The following ZNF277 variants were observed in gnomAD, a reference collection of about 807,000 sequenced individuals.
ZNF277 encodes the protein nuclear receptor-interacting factor 4.
A neutral mutation model predicts 60.7 loss-of-function variants in ZNF277; 55 were observed. That is an observed-to-expected ratio of 0.91 (90% CI 0.73 to 1.13). ZNF277 has a LOEUF of 1.13. Ranked by LOEUF, ZNF277 falls within the 50% of genes most tolerant of loss-of-function variation. ZNF277 has a pLI of 0.00. For synonymous variants in ZNF277, 178 were observed against 179.3 expected (o/e 0.99, Z 0.06); for missense variants, 510 against 523.0 (o/e 0.98, Z 0.24).
chr7:112,317,166 G>A (rs899568789), intron 4 of ZNF277, among the ~76,000 whole-genome samples: 3 of 152,030 alleles, frequency 2.0e-5, no homozygotes, highest in South Asian at 2.1e-4. Flanking sequence ...GAGGGGCTAG[G>A]GAAGGGATAA....
At chr7:112,254,512 G>A (rs749342121) in intron 1 of ZNF277, among the ~76,000 whole-genome samples, 1 of 152,198 alleles carries the variant, frequency 6.6e-6, no homozygotes, top group Non-Finnish European at 1.5e-5. Context: ...GGAAATTAAT[G>A]TTCTGTTTGT....
chr7:112,216,973 A>G (rs1821901564), intron 1 of ZNF277, among the ~76,000 whole-genome samples: 1 of 152,190 alleles, frequency 6.6e-6, no homozygotes, highest in South Asian at 2.1e-4. Context: ...TTTGTAATAA[A>G]CAGTGCAAAA....
intron 8 of ZNF277, among the ~76,000 whole-genome samples, chr7:112,336,891 G>A (rs994474263): frequency 2.6e-5 from 4 of 152,126 alleles, no homozygotes; most frequent in African/African-American, 9.7e-5. Flanking sequence ...GACACAAAAG[G>A]TTATAAATAG....
chr7:112,296,602 A>G (rs1792340014), intron 4 of ZNF277, among the ~76,000 whole-genome samples: 1 of 151,964 alleles, frequency 6.6e-6, no homozygotes, highest in African/African-American at 2.4e-5. Flanking sequence ...TAGCTGCCTG[A>G]CACATGCTAG....
intron 1 of ZNF277, among the ~76,000 whole-genome samples, chr7:112,219,945 G>A (rs1821983294): frequency 6.6e-6 from 1 of 152,234 alleles, no homozygotes; most frequent in Non-Finnish European, 1.5e-5. Context: ...CTGCTATGCT[G>A]TTTAGATTAC....
intron 11 of ZNF277, among the ~76,000 whole-genome samples, chr7:112,341,404 C>G (rs1435284141): frequency 2.6e-5 from 4 of 152,030 alleles, no homozygotes; most frequent in Non-Finnish European, 5.9e-5. Flanking sequence ...GCTAAATATC[C>G]ATTGTATGGA....
At chr7:112,330,296 A>G in intron 7 of ZNF277, 80 bp downstream of exon 7, 1 of 1,410,346 alleles carries the variant, frequency 7.1e-7, no homozygotes, top group Non-Finnish European at 9.9e-7. Context: ...TAATATTTGA[A>G]TAAGCAATTA....
Position 112,339,890 on chromosome 7 carries a change from G to T in ZNF277, c.1009+5G>T. ...TCAAAATAAAGTCAGAACTTGGTAA[G>T]TTTGATTCAGAGGTTTTTTTCTGTG... On this transcript the variant is annotated splice_donor_5th_base_variant and intron_variant, in intron 10 of 11. Coordinates refer to ENST00000361822, the MANE Select transcript of ZNF277 (RefSeq NM_021994.3). The T allele has an allele frequency of 6.2e-7, 1 of 1,609,028 alleles. No homozygotes were observed.
Position 112,286,856 on chromosome 7 carries a change from TTTTTG to T in ZNF277, c.92-16_92-12del. The T allele has an allele frequency of 2.1e-6, 3 of 1,451,578 alleles. No homozygotes were observed. The highest frequency in any genetic ancestry group is 2.7e-5 in the Admixed American group (1 of 37,148). 89.9% of individuals were successfully genotyped at this position (1,451,578 alleles called of 1,614,324 possible). A position where few individuals can be genotyped will look rare whatever the true frequency, so the allele number is the denominator to read the frequency against. On this transcript the variant is annotated splice_polypyrimidine_tract_variant and intron_variant, in intron 1 of 11. Coordinates refer to ENST00000361822, the MANE Select transcript of ZNF277 (RefSeq NM_021994.3). ...TTCTTTCTTTCTTTTTTTTTTTTTT[TTTTTG>T]GTCTATTCCAGACAGTAAGGATTGT... is the stretch of plus-strand genomic sequence containing the variant.
At chr7:112,333,993 T>C (rs1322519191) in intron 7 of ZNF277, among the ~76,000 whole-genome samples, 1 of 152,206 alleles carries the variant, frequency 6.6e-6, no homozygotes, top group Non-Finnish European at 1.5e-5. Flanking sequence ...AGGGAATTGG[T>C]TTTGCTATGA....
chr7:112,296,699 T>A (rs1236538527), intron 4 of ZNF277, among the ~76,000 whole-genome samples: 1 of 151,614 alleles, frequency 6.6e-6, no homozygotes, highest in Admixed American at 6.6e-5. Flanking sequence ...GAATGTGCTA[T>A]GCACTAGCAT....
chr7:112,327,556 A>G (rs186293407), intron 5 of ZNF277, among the ~76,000 whole-genome samples, 161 bp from the exon 6 acceptor site: 60 of 152,346 alleles, frequency 3.9e-4, no homozygotes, highest in African/African-American at 1.4e-3. Flanking sequence ...GTACACTTAC[A>G]TACTTTATAA....
chr7:112,206,906 C>CT (rs1821504970), intron 1 of ZNF277, 99 bp downstream of exon 1: 1 of 1,159,130 alleles, frequency 8.6e-7, no homozygotes, highest in Admixed American at 2.8e-5. Context: ...CCCTTCAGCT[C>CT]TGGGGCCACC....
chr7:112,328,838 C>A (rs1173794616), intron 6 of ZNF277, among the ~76,000 whole-genome samples: 1 of 151,892 alleles, frequency 6.6e-6, no homozygotes, highest in African/African-American at 2.4e-5. Context: ...CCATTGCACT[C>A]CAGCCTGGGC....
At chr7:112,313,403 C>G (rs1425437169) in intron 4 of ZNF277, among the ~76,000 whole-genome samples, 3 of 151,878 alleles carry the variant, frequency 2.0e-5, no homozygotes, top group Non-Finnish European at 4.4e-5. Context: ...CCTCAGTCAG[C>G]CTCCTGGATA....
At chr7:112,340,208 T>G (rs961248054) in intron 10 of ZNF277, among the ~76,000 whole-genome samples, 1 of 152,252 alleles carries the variant, frequency 6.6e-6, no homozygotes, top group Non-Finnish European at 1.5e-5. Context: ...AGAGTTCAGA[T>G]TCCAGCTCTG....
intron 2 of ZNF277, among the ~76,000 whole-genome samples, chr7:112,291,581 G>A (rs1282105986): frequency 1.3e-5 from 2 of 152,058 alleles, no homozygotes; most frequent in Non-Finnish European, 2.9e-5. Flanking sequence ...CAGAAGAGAA[G>A]TACTAAATGA....
chr7:112,250,557 C>T (rs926007755), intron 1 of ZNF277, among the ~76,000 whole-genome samples: 3 of 152,130 alleles, frequency 2.0e-5, no homozygotes, highest in African/African-American at 4.8e-5. Context: ...GATGTCTCCC[C>T]CGGATGCCCG....
intron 1 of ZNF277, among the ~76,000 whole-genome samples, chr7:112,272,007 C>T (rs1791679703): frequency 1.3e-5 from 2 of 152,106 alleles, no homozygotes; most frequent in Admixed American, 1.3e-4. Flanking sequence ...AGTATCATCA[C>T]TTTGTTGTAC....
Sources: allele counts gnomAD v4.1 joint callset (sites outside exome capture counted in the v4.1 genomes callset), GRCh38; gene constraint gnomAD v4.1.1; transcripts MANE v1.5; gene names NCBI Gene and HGNC (gene_info 2026-07-23, HGNC 2026-07-21).